DNAAF11: variants seen among roughly 807,000 people sequenced by gnomAD.
The protein encoded by DNAAF11 is dynein axonemal assembly factor 11.
A neutral mutation model predicts 60.8 loss-of-function variants in DNAAF11; 45 were observed. The observed-to-expected ratio is 0.74, with a 90% CI of 0.58 to 0.95. DNAAF11 has a LOEUF of 0.95. Among genes scored for constraint, DNAAF11 ranks in the 40% least tolerant of loss-of-function variants. DNAAF11 has a pLI of 0.00. For missense variants in DNAAF11, 546 were observed against 546.2 expected, an observed-to-expected ratio of 1.00 and a Z score of 0.00; for synonymous variants, 191 against 183.5, an observed-to-expected ratio of 1.04 and a Z score of -0.33.
chr8:132,687,386 C>G, the DNAAF11 span: 3 of 291,396 alleles, frequency 1.0e-5, no homozygotes, highest in African/African-American at 6.6e-5. Flanking sequence ...AGATCTCTGC[C>G]CTTTGAAAGC....
intron 11 of DNAAF11, among the ~76,000 whole-genome samples, chr8:132,579,007 A>G (rs1164316987): frequency 6.6e-6 from 1 of 152,256 alleles, no homozygotes; most frequent in Non-Finnish European, 1.5e-5. Context: ...TCCACAAGGC[A>G]CTTCGAGGAA....
intron 10 of DNAAF11, among the ~76,000 whole-genome samples, chr8:132,585,286 A>G (rs532014024): frequency 1.4e-4 from 22 of 152,302 alleles, no homozygotes; most frequent in African/African-American, 5.1e-4. Context: ...GTGCAGTTGT[A>G]TAATTTTCAA....
intron 7 of DNAAF11, among the ~76,000 whole-genome samples, chr8:132,618,072 C>A (rs1176989323): frequency 6.6e-6 from 1 of 151,290 alleles, no homozygotes; most frequent in East Asian, 2.0e-4. Flanking sequence ...GTAACCAAAA[C>A]AGCATGGTAC....
At chr8:132,692,674 C>T in the DNAAF11 span, among the ~76,000 whole-genome samples, 3 of 152,206 alleles carry the variant, frequency 2.0e-5, no homozygotes, top group Admixed American at 6.5e-5. Context: ...CCTTGAACCA[C>T]TTCTTCACCC....
At chr8:132,584,337 T>C (rs1815656346) in intron 10 of DNAAF11, among the ~76,000 whole-genome samples, 1 of 152,128 alleles carries the variant, frequency 6.6e-6, no homozygotes, top group Admixed American at 6.5e-5. Flanking sequence ...TCTCAATAAA[T>C]AAAATGATTC....
chr8:132,656,483 T>C (rs972162417), intron 3 of DNAAF11, among the ~76,000 whole-genome samples: 4 of 152,230 alleles, frequency 2.6e-5, no homozygotes, highest in Admixed American at 6.5e-5. Context: ...TTTTTTCTTT[T>C]TGGGGAGGAC....
intron 1 of DNAAF11, 110 bp from the exon 2 acceptor site, chr8:132,661,737 C>T: frequency 3.5e-6 from 4 of 1,149,180 alleles, no homozygotes; most frequent in Non-Finnish European, 5.1e-6. Flanking sequence ...AGTTGAATGT[C>T]AATTTTCCAG....
At position 132,576,870 on chromosome 8, in the gene DNAAF11, GA is replaced by G. The variant is rs1814804914; in HGVS notation, c.1227-4391del. On this transcript the variant is annotated intron_variant, in intron 11 of 11. Coordinates refer to ENST00000620350, the MANE Select transcript of DNAAF11 (RefSeq NM_012472.6). ...ATCCCTTCCCCACCTCACTGATGCAGAAGTGGAAGAAGGGAGAGGGGCAGGG... is the reference window on the plus strand; with the variant it reads ...ATCCCTTCCCCACCTCACTGATGCAGAGTGGAAGAAGGGAGAGGGGCAGGG... 5.3e-5 allele frequency among the ~76,000 whole-genome samples: 8 copies of G among 152,302 alleles called. 1 individual carries two copies. The South Asian group carries it at 1.7e-3, about 32-fold the overall frequency.
chr8:132,591,915 T>C, intron 10 of DNAAF11, among the ~76,000 whole-genome samples: 1 of 152,192 alleles, frequency 6.6e-6, no homozygotes. Context: ...AATTATTTTA[T>C]GTTTAGAAAA....
At chr8:132,620,579 C>A (rs896076799) in intron 7 of DNAAF11, among the ~76,000 whole-genome samples, 3 of 152,188 alleles carry the variant, frequency 2.0e-5, no homozygotes, top group Non-Finnish European at 4.4e-5. Flanking sequence ...AAGTGATCTG[C>A]CTGCCTCGGT....
At chr8:132,690,375 TG>T in the DNAAF11 span, among the ~76,000 whole-genome samples, 1 of 152,180 alleles carries the variant, frequency 6.6e-6, no homozygotes. Flanking sequence ...TTCTCTCTCC[TG>T]CTGCCTTGTG....
intron 3 of DNAAF11, among the ~76,000 whole-genome samples, chr8:132,651,853 C>T (rs1240214103): frequency 2.0e-5 from 3 of 152,054 alleles, no homozygotes; most frequent in Non-Finnish European, 4.4e-5. Context: ...GGCCGTAAAA[C>T]GTTAGCTGGG....
the DNAAF11 span, among the ~76,000 whole-genome samples, chr8:132,695,164 G>A: frequency 6.6e-5 from 10 of 152,272 alleles, no homozygotes; most frequent in South Asian, 2.1e-3. Flanking sequence ...AGAAAGACTT[G>A]AAAGAGAAGA....
chr8:132,681,736 T>C, the DNAAF11 span, among the ~76,000 whole-genome samples: 2 of 152,176 alleles, frequency 1.3e-5, no homozygotes, highest in Non-Finnish European at 2.9e-5. Context: ...TTTTAAATGA[T>C]TGTCTTAATT....
intron 8 of DNAAF11, among the ~76,000 whole-genome samples, chr8:132,613,024 C>T (rs1484857051): frequency 2.0e-5 from 3 of 152,178 alleles, no homozygotes; most frequent in Non-Finnish European, 4.4e-5. Context: ...AAAGGACTTA[C>T]AAGGATGAAA....
chr8:132,682,965 A>G, the DNAAF11 span, among the ~76,000 whole-genome samples: 1 of 152,122 alleles, frequency 6.6e-6, no homozygotes, highest in Non-Finnish European at 1.5e-5. Flanking sequence ...AAGGTAAGGC[A>G]CTCATCTATT....
chr8:132,623,959 T>C (rs1246322730), intron 6 of DNAAF11, among the ~76,000 whole-genome samples: 1 of 152,136 alleles, frequency 6.6e-6, no homozygotes, highest in Admixed American at 6.6e-5. Flanking sequence ...ACTCACTGGA[T>C]TGGGAAATCT....
intron 1 of DNAAF11, among the ~76,000 whole-genome samples, chr8:132,663,468 A>G (rs1237526823): frequency 6.6e-6 from 1 of 152,258 alleles, no homozygotes; most frequent in East Asian, 1.9e-4. Context: ...GAATTCTCTT[A>G]GCAAGGATGC....
chr8:132,632,512 C>T (rs1194385732), intron 5 of DNAAF11, among the ~76,000 whole-genome samples: 3 of 152,114 alleles, frequency 2.0e-5, no homozygotes, highest in Admixed American at 6.5e-5. Context: ...ATTTTAGATG[C>T]AAATTAAAGT....
Sources: gnomAD v4.1 joint callset for allele counts (sites outside exome capture counted in the v4.1 genomes callset) on GRCh38, gnomAD v4.1.1 for gene constraint, MANE v1.5 for transcripts, NCBI Gene and HGNC (gene_info 2026-07-23, HGNC 2026-07-21) for gene names.